Variants in COPS7B observed in about 807,000 individuals in gnomAD.
COPS7B encodes COP9 signalosome complex subunit 7b.
Under a neutral mutation model 33.4 loss-of-function variants are expected in COPS7B, and 9 were observed. The ratio of observed to expected loss-of-function variants is 0.27; its 90% CI spans 0.16 to 0.47. The LOEUF is 0.47. Ranked by LOEUF, COPS7B falls within the 20% of genes least tolerant of loss-of-function variation. COPS7B has a pLI of 0.99. For missense variants in COPS7B, 242 were observed against 318.2 expected, an observed-to-expected ratio of 0.76 and a Z score of 1.82; for synonymous variants, 119 against 126.3, an observed-to-expected ratio of 0.94 and a Z score of 0.39.
upstream of COPS7B, among the ~76,000 whole-genome samples, chr2:231,784,574 C>T (rs978427804): frequency 6.6e-6 from 1 of 152,168 alleles, no homozygotes; most frequent in Non-Finnish European, 1.5e-5. Context: ...GCTGGAATTT[C>T]TATGAAGTCA....
rs184714089 is a variant in COPS7B at position 231,805,032 on chromosome 2, A to G, written c.637-2455A>G. ...GTCAAATTTCTTAATTTTTCCTCCA[A>G]TGTCATCAAAATATGCCTTAGCTGG... On this transcript the variant is annotated intron_variant, in intron 6 of 6. Coordinates refer to ENST00000350033, the MANE Select transcript of COPS7B (RefSeq NM_022730.4). 6.6e-5 allele frequency among the ~76,000 whole-genome samples: 10 copies of G among 152,274 alleles called. No homozygotes were observed. In the East Asian group the frequency reaches 7.7e-4, roughly 12 times the overall value.
chr2:231,791,561 T>G, intron 2 of COPS7B, 172 bp from the exon 3 acceptor site: 1 of 584,478 alleles, frequency 1.7e-6, no homozygotes, highest in South Asian at 2.1e-5. Context: ...ATAATCTTGT[T>G]TATTTTTTCC....
upstream of COPS7B, among the ~76,000 whole-genome samples, chr2:231,783,452 T>C (rs184308086): frequency 2.0e-5 from 3 of 152,346 alleles, no homozygotes; most frequent in Non-Finnish European, 1.5e-5. Flanking sequence ...GTCAGTCTTC[T>C]TAATTGTAGC....
rs1448653320 is a variant in COPS7B at position 231,796,165 on chromosome 2, A to G, written c.387A>G (p.Glu129=). Residue 129 remains glutamate (E), a synonymous_variant, in exon 5 of 7, where the codon GAA becomes GAG. Transcript: ENST00000350033. ...AGATGCGGAATCTCCGGGAACTAGA[A>G]GACCTTATCATTGAGGCTGTCTACA... The part of the protein sequence containing the change: ...DLEMRNLREL[E]DLIIEAVYTD... 1.2e-6 allele frequency: 2 copies of G among 1,614,034 alleles called. No individual in the cohort carries two copies. The highest frequency in any genetic ancestry group is 8.5e-7 in the Non-Finnish European group (1 of 1,180,014).
intron 6 of COPS7B, among the ~76,000 whole-genome samples, chr2:231,805,555 C>G (rs1339977021): frequency 1.3e-5 from 2 of 151,132 alleles, no homozygotes; most frequent in African/African-American, 2.4e-5. Context: ...CCTCAAACTC[C>G]TGGACTTAAG....
At chr2:231,800,031 T>C (rs973077502) in intron 6 of COPS7B, among the ~76,000 whole-genome samples, 4 of 152,192 alleles carry the variant, frequency 2.6e-5, no homozygotes, top group African/African-American at 9.7e-5. Flanking sequence ...TGAACTCTGC[T>C]TTTCATGAAC....
chr2:231,795,260 A>G (rs937883562), intron 4 of COPS7B, among the ~76,000 whole-genome samples: 1 of 152,072 alleles, frequency 6.6e-6, no homozygotes, highest in Non-Finnish European at 1.5e-5. Context: ...CAAGGGTCTC[A>G]CCATGTTGCC....
At chr2:231,804,376 T>G (rs998608711) in intron 6 of COPS7B, among the ~76,000 whole-genome samples, 1 of 151,678 alleles carries the variant, frequency 6.6e-6, no homozygotes, top group Admixed American at 6.6e-5. Flanking sequence ...GCGTCCCGAG[T>G]AGCTGGGACT....
At chr2:231,791,982 T>C in intron 3 of COPS7B, 174 bp downstream of exon 3, 1 of 700,676 alleles carries the variant, frequency 1.4e-6, no homozygotes, top group Non-Finnish European at 2.7e-6. Context: ...CCTTCTCACC[T>C]TTTATATTCT....
Position 231,809,127 on chromosome 2 carries a change from A to C in COPS7B, c.*1482A>C, listed in dbSNP as rs1055258. The C allele has an allele frequency of 2.6e-5, 4 of 152,316 alleles. No individual in the cohort carries two copies. The highest frequency in any genetic ancestry group is 5.9e-5 in the Non-Finnish European group (4 of 68,124). The allele number at this position is 152,316 out of a possible 1,614,324, so 9.4% of individuals were successfully genotyped here. ...CCCTTTTAAGCCAATCCATGTGCCC[A>C]CATAACATTATGCCCAAGTGGAGAG... On this transcript the variant is annotated 3_prime_UTR_variant, in exon 7 of 7. Transcript: ENST00000350033.
intron 6 of COPS7B, among the ~76,000 whole-genome samples, chr2:231,802,202 G>A (rs538924793): frequency 6.6e-6 from 1 of 152,336 alleles, no homozygotes; most frequent in East Asian, 1.9e-4. Flanking sequence ...ACTGGACAAA[G>A]TAAGCTCTGT....
At position 231,796,191 on chromosome 2, in the gene COPS7B, C is replaced by A. The variant is rs1419958872; in HGVS notation, c.413C>A (p.Thr138Asn). ...LEDLIIEAVY[T>N]DIIQGKLDQR... ...GACCTTATCATTGAGGCTGTCTACA[C>A]TGACATCATCCAGGGCAAGCTGGAC... Residue 138 changes from threonine (T) to asparagine (N), a missense_variant, in exon 5 of 7, where the codon ACT (threonine) becomes AAT (asparagine). Thr to Asn is a moderately conservative substitution (Grantham distance 65). Coordinates refer to ENST00000350033, the MANE Select transcript of COPS7B (RefSeq NM_022730.4). The A allele has an allele frequency of 1.2e-5, 20 of 1,614,074 alleles. No individual in the cohort carries two copies. The highest frequency in any genetic ancestry group is 1.6e-5 in the Non-Finnish European group (19 of 1,180,034).
chr2:231,797,985 T>C (rs902838291), intron 5 of COPS7B, among the ~76,000 whole-genome samples: 1 of 152,116 alleles, frequency 6.6e-6, no homozygotes, highest in African/African-American at 2.4e-5. Flanking sequence ...CCTCCCAGGT[T>C]CAAGCGATTC....
intron 6 of COPS7B, among the ~76,000 whole-genome samples, chr2:231,799,175 T>C (rs1350623614): frequency 6.6e-6 from 1 of 152,162 alleles, no homozygotes; most frequent in Non-Finnish European, 1.5e-5. Flanking sequence ...CTGGTCAGCA[T>C]AGGGTGATCA....
chr2:231,789,369 A>G (rs886538086), intron 2 of COPS7B: 1 of 152,218 alleles, frequency 6.6e-6, no homozygotes, highest in African/African-American at 2.4e-5. Flanking sequence ...CTCAACCTCT[A>G]CTTTCCAATT....
At chr2:231,802,287 C>T (rs2106340564) in intron 6 of COPS7B, among the ~76,000 whole-genome samples, 1 of 152,294 alleles carries the variant, frequency 6.6e-6, no homozygotes, top group South Asian at 2.1e-4. Context: ...AAGTATGCTT[C>T]CTGGTACCTC....
chr2:231,807,352 A>G, intron 6 of COPS7B, 135 bp from the exon 7 acceptor site: 1 of 873,152 alleles, frequency 1.1e-6, no homozygotes. Flanking sequence ...GTTTCTGCTC[A>G]TCTGGATTTC....
chr2:231,807,797 A>C lies in COPS7B; in HGVS notation c.*152A>C. On this transcript the variant is annotated 3_prime_UTR_variant, in exon 7 of 7. Transcript: ENST00000350033. Reference sequence around the variant, plus strand: ...CCACCCTGTTGGTACTGTTCCAGAAAAACTGTTACTCCCCCTCACCCACTC... The same window carrying C: ...CCACCCTGTTGGTACTGTTCCAGAACAACTGTTACTCCCCCTCACCCACTC... The C allele has an allele frequency of 1.5e-6, 1 of 649,122 alleles. No homozygotes were observed. The allele number at this position is 649,122 out of a possible 1,614,324, so 40.2% of individuals were successfully genotyped here.
rs1333148473 is a variant in COPS7B at position 231,807,543 on chromosome 2, G to T, written c.693G>T (p.Met231Ile). Residue 231 changes from methionine (M) to isoleucine (I), a missense_variant, in exon 7 of 7, where the codon ATG becomes ATT. Coordinates refer to ENST00000350033, the MANE Select transcript of COPS7B (RefSeq NM_022730.4). ...CCGCATCCTCCTCGGCTCAGGAGAT[G>T]GAGCAGCAGCTGGCTGAACGGGAGT... Reference protein sequence around the residue: ...KATASSSAQEMEQQLAERECP... With the variant: ...KATASSSAQEIEQQLAERECP... 6.2e-7 allele frequency: 1 copy of T among 1,613,564 alleles called. No homozygotes were observed. The highest frequency in any genetic ancestry group is 1.1e-5 in the South Asian group (1 of 90,858).
Sources: gnomAD v4.1 joint callset for allele counts (sites outside exome capture counted in the v4.1 genomes callset) on GRCh38, gnomAD v4.1.1 for gene constraint, MANE v1.5 for transcripts, NCBI Gene and HGNC (gene_info 2026-07-23, HGNC 2026-07-21) for gene names.